Variants in SPTA1 observed in about 807,000 individuals in gnomAD.
The protein encoded by SPTA1 is spectrin alpha chain, erythrocytic 1.
A neutral mutation model predicts 324.7 loss-of-function variants in SPTA1; 177 were observed. That is an observed-to-expected ratio of 0.55 (90% CI 0.48 to 0.62). The LOEUF is 0.62. SPTA1 is among the 20% of genes least tolerant of loss of function. SPTA1 has a pLI of 0.00. For synonymous variants in SPTA1, 1,195 were observed against 1,041.3 expected (o/e 1.15, Z -2.84); for missense variants, 3,162 against 2,883.6 (o/e 1.10, Z -2.21).
Position 158,617,053 on chromosome 1 carries a change from A to AC in SPTA1, c.6600+483_6600+484insG, listed in dbSNP as rs577243641. ...CCTGCAAGAATAATAGTAAAAAAAA[A>AC]ATGTTGAGAAACACTGTTCTAACCC... On this transcript the variant is annotated intron_variant, in intron 47 of 51. Coordinates refer to ENST00000643759, the MANE Select transcript of SPTA1 (RefSeq NM_003126.4). Among the ~76,000 whole-genome samples, 456 of 152,274 alleles carry AC rather than the reference A, an allele frequency of 3.0e-3. 2 individuals carry two copies. The highest frequency in any genetic ancestry group is 0.011 in the African/African-American group (439 of 41,548).
In SPTA1 at chr1:158,651,467, T is replaced by C. The variant is rs1652428324; in HGVS notation, c.3377A>G (p.Asp1126Gly). The change falls in exon 24 of 52, where the codon GAT becomes GGT. Residue 1126 changes from aspartate to glycine, a missense_variant and splice_region_variant. Asp to Gly is a moderately conservative substitution (Grantham distance 94). Coordinates refer to ENST00000643759, the MANE Select transcript of SPTA1 (RefSeq NM_003126.4). ...LQKKFDEFQK[D>G]LNTNEPRLRD... Reference sequence around the variant, plus strand: ...TAGCCGAGGCTCATTGGTATTCAAATCCTGAATGGGAAAATTCATCCAAAG... The same window carrying C: ...TAGCCGAGGCTCATTGGTATTCAAACCCTGAATGGGAAAATTCATCCAAAG... 6.2e-7 allele frequency: 1 copy of C among 1,604,812 alleles called. No individual in the cohort carries two copies. The highest frequency in any genetic ancestry group is 8.5e-7 in the Non-Finnish European group (1 of 1,171,864).
Position 158,657,578 on chromosome 1 carries a change from G to T in SPTA1, c.2704C>A (p.Gln902Lys). ...TCATGCAGGTCAGCCAGGTACTGCT[G>T]GAACTGGACATTGGCTTCAAGATCA... ...QNDLEANVQF[Q>K]QYLADLHEAE... Residue 902 changes from glutamine (Q) to lysine (K), a missense_variant, in exon 19 of 52, where the codon CAG becomes AAG. Coordinates refer to ENST00000643759, the MANE Select transcript of SPTA1 (RefSeq NM_003126.4). The T allele has an allele frequency of 1.2e-6, 2 of 1,614,048 alleles. No individual in the cohort carries two copies.
At position 158,612,922 on chromosome 1, in the gene SPTA1, C is replaced by A. The variant is rs1167886470; in HGVS notation, c.7029G>T (p.Leu2343=). 3 of 1,613,924 alleles carry A rather than the reference C, an allele frequency of 1.9e-6. No homozygotes were observed. In the Admixed American group the frequency reaches 5.0e-5, roughly 27 times the overall value. The change falls in exon 51 of 52, where the codon CTG becomes CTT. Residue 2343 remains leucine, a synonymous_variant. Coordinates refer to ENST00000643759, the MANE Select transcript of SPTA1 (RefSeq NM_003126.4). ...TGATGTTTTCTGACTCCTTGTCAATCAGGAAAGCAGTATAGTCCTCCAGTG... is the reference window on the plus strand; with the variant it reads ...TGATGTTTTCTGACTCCTTGTCAATAAGGAAAGCAGTATAGTCCTCCAGTG... ...YVSLEDYTAF[L]IDKESENIKS...
chr1:158,625,689 A>G (rs552789803), intron 42 of SPTA1, among the ~76,000 whole-genome samples: 1 of 151,904 alleles, frequency 6.6e-6, no homozygotes, highest in African/African-American at 2.4e-5. Flanking sequence ...TAACTGAATG[A>G]TAAAAGAAAT....
chr1:158,669,735 C>G lies in SPTA1; in HGVS notation c.1651G>C (p.Glu551Gln). ...CCGTCACGGATAGCCTTGATGTTCT[C>G]TGAATCATAATGGTCATCACCAATC... ...KLIGDDHYDS[E>Q]NIKAIRDGLL... The change falls in exon 13 of 52, where the codon GAG becomes CAG. Residue 551 changes from glutamate to glutamine, a missense_variant. Physicochemically the swap from Glu to Gln is conservative, Grantham distance 29. Coordinates refer to ENST00000643759, the MANE Select transcript of SPTA1 (RefSeq NM_003126.4). 6.2e-7 allele frequency: 1 copy of G among 1,614,096 alleles called. No homozygotes were observed. The highest frequency in any genetic ancestry group is 1.7e-5 in the Admixed American group (1 of 60,002).
In SPTA1 at chr1:158,669,480, C is replaced by A. The variant is rs1383030508; in HGVS notation, c.1761G>T (p.Leu587=). 1 of 1,614,184 alleles carries A rather than the reference C, an allele frequency of 6.2e-7. No homozygotes were observed. Among genetic ancestry groups the A allele is most frequent in the Middle Eastern group, 1.6e-4 (1 of 6,062 alleles). The change falls in exon 14 of 52, where the codon CTG becomes CTT. Residue 587 remains leucine (L), a synonymous_variant. Coordinates refer to ENST00000643759, the MANE Select transcript of SPTA1 (RefSeq NM_003126.4). The part of the protein sequence containing the change: ...LLKESLLLQK[L]YEDSDDLKNW... ...TCTTTAGGTCATCTGAGTCCTCATA[C>A]AGTTTTTGCAGAAGCAATGACTCCT... is the stretch of plus-strand genomic sequence containing the variant.
intron 21 of SPTA1, 37 bp from the exon 22 acceptor site, chr1:158,653,462 C>T: frequency 6.2e-7 from 1 of 1,612,742 alleles, no homozygotes; most frequent in South Asian, 1.1e-5. Context: ...GTCATTAATT[C>T]TTGGAAAAGC....
At position 158,661,319 on chromosome 1, in the gene SPTA1, A is replaced by G. The variant is rs1353612948; in HGVS notation, c.2555T>C (p.Ile852Thr). 2 of 1,613,886 alleles carry G rather than the reference A, an allele frequency of 1.2e-6. No homozygotes were observed. Among genetic ancestry groups the G allele is most frequent in the Admixed American group, 3.3e-5 (2 of 60,010 alleles). ...IASHEPRIQE[I>T]TERGNKMVEE... is the part of the protein sequence containing the mutation. ...TACCATTTTGTTTCCCCTTTCTGTT[A>G]TCTCTTGAATGCGTGGTTCATGGCT... The change falls in exon 18 of 52, where the codon ATA (isoleucine) becomes ACA (threonine). Residue 852 changes from isoleucine (I) to threonine (T), a missense_variant. By Grantham distance (89) the Ile-to-Thr change is moderately conservative (BLOSUM62 -1). Transcript: ENST00000643759.
At chr1:158,671,474 C>T in intron 11 of SPTA1, 21 bp from the exon 12 acceptor site, 2 of 1,590,600 alleles carry the variant, frequency 1.3e-6, no homozygotes, top group Non-Finnish European at 8.6e-7. Context: ...CAGAAAGACA[C>T]ACCTAAGCTG....
chr1:158,673,708 C>A (rs930660328), intron 10 of SPTA1, among the ~76,000 whole-genome samples: 2 of 152,018 alleles, frequency 1.3e-5, no homozygotes, highest in African/African-American at 4.8e-5. Flanking sequence ...GGGAAGGTCA[C>A]GAAACTGGGC....
At chr1:158,647,471 C>G (rs998953400) in intron 27 of SPTA1, 68 bp downstream of exon 27, 20 of 1,595,988 alleles carry the variant, frequency 1.3e-5, no homozygotes, top group Non-Finnish European at 1.7e-5. Context: ...TGAACAGCAT[C>G]TGTACCCAGA....
intron 30 of SPTA1, 131 bp from the exon 31 acceptor site, chr1:158,643,556 T>C: frequency 2.3e-6 from 2 of 883,872 alleles, no homozygotes; most frequent in East Asian, 2.6e-5. Flanking sequence ...TCAAATAATA[T>C]ATGCCTTACA....
rs533461111 is a variant in SPTA1 at position 158,656,453 on chromosome 1, T to C, written c.2898+111A>G. The stretch of plus-strand genomic sequence containing the variant: ...TACAAGGGTCATAGAACTTAGTGTT[T>C]TCTTTGCCATTGTTTTTGGGGTTGT... On this transcript the variant is annotated intron_variant, in intron 20 of 51. Coordinates refer to ENST00000643759, the MANE Select transcript of SPTA1 (RefSeq NM_003126.4). 18 of 976,452 alleles carry C rather than the reference T, an allele frequency of 1.8e-5. No individual in the cohort carries two copies. The South Asian group carries it at 2.3e-4, about 13-fold the overall frequency. 60.5% of individuals were successfully genotyped at this position (976,452 alleles called of 1,614,324 possible).
chr1:158,681,607 C>G lies in SPTA1; in HGVS notation c.451G>C (p.Gly151Arg), dbSNP rs1301687759. 1 of 1,613,672 alleles carries G rather than the reference C, an allele frequency of 6.2e-7. No homozygotes were observed. The highest frequency in any genetic ancestry group is 2.2e-5 in the East Asian group (1 of 44,874). Reference sequence around the variant, plus strand: ...TTCAGGGCCCGCAGCAACTGGTCACCCTTCTCCAGGGTCAGCTCTAACAGC... The same window carrying G: ...TTCAGGGCCCGCAGCAACTGGTCACGCTTCTCCAGGGTCAGCTCTAACAGC... ...DLLLELTLEK[G>R]DQLLRALKFQ... is the part of the protein sequence containing the mutation. The change falls in exon 4 of 52, where the codon GGT (glycine) becomes CGT (arginine). Residue 151 changes from glycine to arginine, a missense_variant. Transcript: ENST00000643759.
In SPTA1 at chr1:158,686,709, A is replaced by C. The variant is rs1655209328; in HGVS notation, c.-192T>G. On this transcript the variant is annotated 5_prime_UTR_variant, in exon 1 of 52. Coordinates refer to ENST00000643759, the MANE Select transcript of SPTA1 (RefSeq NM_003126.4). ...CATACACAATCGACATTATCTTTAG[A>C]AGACATACTCAGCTGAGGCAACTGC... 1 of 528,718 alleles carries C rather than the reference A, an allele frequency of 1.9e-6. No individual in the cohort carries two copies. The highest frequency in any genetic ancestry group is 3.2e-5 in the Admixed American group (1 of 31,680). 32.8% of individuals were successfully genotyped at this position (528,718 alleles called of 1,614,324 possible).
rs1383329579 is a variant in SPTA1, at chr1:158,626,809, C to G, written c.5833+30G>C. On this transcript the variant is annotated intron_variant, in intron 41 of 51. Transcript: ENST00000643759. ...TGGGATTTATTAGGGTTTCTCAAAC[C>G]CAAGGGACCCTGAACCTGACACATC... 5 of 1,612,940 alleles carry G rather than the reference C, an allele frequency of 3.1e-6. No homozygotes were observed. The East Asian group carries it at 8.9e-5, about 29-fold the overall frequency.
intron 14 of SPTA1, 133 bp from the exon 15 acceptor site, chr1:158,668,195 C>T (rs1653751661): frequency 9.9e-7 from 1 of 1,007,236 alleles, no homozygotes; most frequent in Non-Finnish European, 1.5e-6. Flanking sequence ...GGGGAAGTTT[C>T]CTAGTCCAAC....
At chr1:158,646,399 A>G (rs1287545453) in intron 27 of SPTA1, among the ~76,000 whole-genome samples, 1 of 152,216 alleles carries the variant, frequency 6.6e-6, no homozygotes, top group Non-Finnish European at 1.5e-5. Flanking sequence ...TTGGGTGCTT[A>G]CTAAGTACCA....
chr1:158,645,569 T>C lies in SPTA1; in HGVS notation c.3922A>G (p.Ile1308Val). The C allele has an allele frequency of 1.2e-6, 2 of 1,614,018 alleles. No individual in the cohort carries two copies. The highest frequency in any genetic ancestry group is 1.7e-6 in the Non-Finnish European group (2 of 1,179,906). Reference protein sequence around the residue: ...ARDLQNWISSIGGMVSSQELA... With the variant: ...ARDLQNWISSVGGMVSSQELA... ...TCCTGTGATGATACCATGCCACCAA[T>C]GCTACTGATCCAGTTCTGCAGATCC... Residue 1308 changes from isoleucine to valine, a missense_variant, in exon 28 of 52, where the codon ATT becomes GTT. By Grantham distance (29) the Ile-to-Val change is conservative (BLOSUM62 3). Coordinates refer to ENST00000643759, the MANE Select transcript of SPTA1 (RefSeq NM_003126.4).
Sources: allele counts gnomAD v4.1 joint callset (sites outside exome capture counted in the v4.1 genomes callset), GRCh38; gene constraint gnomAD v4.1.1; transcripts MANE v1.5; gene names NCBI Gene and HGNC (gene_info 2026-07-23, HGNC 2026-07-21).